Variants in BCO1 observed in about 807,000 individuals in gnomAD.
BCO1 encodes beta,beta-carotene 15,15'-dioxygenase.
Under a neutral mutation model 56.3 loss-of-function variants are expected in BCO1, and 54 were observed. The ratio of observed to expected loss-of-function variants is 0.96; its 90% CI spans 0.77 to 1.20. The LOEUF is 1.20. Ranked by LOEUF, BCO1 falls within the 50% of genes most tolerant of loss-of-function variation. The pLI is 0.00. For missense variants in BCO1, 801 were observed against 690.9 expected (o/e 1.16, Z -1.79); for synonymous variants, 318 against 266.1 (o/e 1.20, Z -1.90).
intron 6 of BCO1, 127 bp downstream of exon 6, chr16:81,268,258 AC>A: frequency 1.1e-6 from 1 of 877,340 alleles, no homozygotes; most frequent in Non-Finnish European, 1.8e-6. Context: ...AGAGGCATCT[AC>A]CCACCTTCCA....
chr16:81,283,934 C>T (rs1274060739), intron 8 of BCO1, among the ~76,000 whole-genome samples: 3 of 151,732 alleles, frequency 2.0e-5, no homozygotes, highest in African/African-American at 7.3e-5. Context: ...ACCTGTAATC[C>T]CAGCACTTTG....
intron 1 of BCO1, among the ~76,000 whole-genome samples, chr16:81,244,367 C>G (rs942567715): frequency 4.6e-5 from 7 of 150,644 alleles, no homozygotes; most frequent in Non-Finnish European, 8.9e-5. Context: ...TTTAACACAA[C>G]AAATCCAAGA....
intron 2 of BCO1, among the ~76,000 whole-genome samples, chr16:81,247,005 A>C (rs1905466856): frequency 6.6e-6 from 1 of 152,172 alleles, no homozygotes; most frequent in Admixed American, 6.5e-5. Flanking sequence ...ATCACAAATA[A>C]GGCGAATTCT....
intron 4 of BCO1, chr16:81,262,673 C>T (rs1367527027): frequency 9.2e-6 from 3 of 325,148 alleles, no homozygotes; most frequent in African/African-American, 6.5e-5. Flanking sequence ...ACCAAAAATA[C>T]AAAAATTAGC....
chr16:81,275,239 A>T (rs1907481337), intron 7 of BCO1, among the ~76,000 whole-genome samples: 1 of 152,214 alleles, frequency 6.6e-6, no homozygotes, highest in African/African-American at 2.4e-5. Context: ...CCTCTGTCTG[A>T]AACCCTGTCC....
At position 81,270,420 on chromosome 16, in the gene BCO1, A is replaced by G. The variant is rs1028477632; in HGVS notation, c.1101+4A>G. The G allele has an allele frequency of 6.8e-6, 11 of 1,613,980 alleles. No individual in the cohort carries two copies. The highest frequency in any genetic ancestry group is 6.8e-6 in the Non-Finnish European group (8 of 1,180,000). Reference sequence around the variant, plus strand: ...CGTGCCCCTCCACGTGGACAAGGTAATGGCTTCCAAGGAGGTCCCTTTTCT... The same window carrying G: ...CGTGCCCCTCCACGTGGACAAGGTAGTGGCTTCCAAGGAGGTCCCTTTTCT... On this transcript the variant is annotated splice_donor_region_variant and intron_variant, in intron 7 of 10. Coordinates refer to ENST00000258168, the MANE Select transcript of BCO1 (RefSeq NM_017429.3).
intron 5 of BCO1, among the ~76,000 whole-genome samples, chr16:81,265,228 CATCCACCT>C (rs1416434751): frequency 6.6e-6 from 1 of 151,468 alleles, no homozygotes; most frequent in African/African-American, 2.4e-5. Context: ...TCCGTCCACC[CATCCACCT>C]ATCCACCCCT....
chr16:81,261,563 T>C, intron 3 of BCO1, among the ~76,000 whole-genome samples: 1 of 152,158 alleles, frequency 6.6e-6, no homozygotes, highest in African/African-American at 2.4e-5. Context: ...CTGGCTCTGA[T>C]GTTAGAGACC....
chr16:81,283,225 G>A (rs1435195777), intron 8 of BCO1, among the ~76,000 whole-genome samples: 1 of 152,020 alleles, frequency 6.6e-6, no homozygotes, highest in East Asian at 1.9e-4. Context: ...GTTAAGGACC[G>A]GGCATGGTGA....
chr16:81,287,218 T>C (rs954250239), intron 9 of BCO1, 77 bp from the exon 10 acceptor site: 9 of 1,099,978 alleles, frequency 8.2e-6, no homozygotes, highest in Non-Finnish European at 1.1e-5. Context: ...TGTGTGGATC[T>C]TCATGCACTC....
intron 4 of BCO1, chr16:81,262,982 C>G (rs1312081814): frequency 6.5e-6 from 1 of 152,806 alleles, no homozygotes; most frequent in Non-Finnish European, 1.5e-5. Flanking sequence ...CTCCCTGGCC[C>G]CTTCCTGGCT....
chr16:81,274,416 A>G (rs1907427521), intron 7 of BCO1, among the ~76,000 whole-genome samples: 1 of 151,708 alleles, frequency 6.6e-6, no homozygotes, highest in African/African-American at 2.4e-5. Flanking sequence ...GGCGCCCGCC[A>G]CTACACCTGG....
chr16:81,269,619 C>T (rs1283191543), intron 6 of BCO1, among the ~76,000 whole-genome samples: 1 of 152,190 alleles, frequency 6.6e-6, no homozygotes, highest in African/African-American at 2.4e-5. Context: ...AGGCAAGTGC[C>T]ACCATGCCTG....
In BCO1 at chr16:81,270,360, A is replaced by C; in HGVS notation, c.1045A>C (p.Arg349=). The change falls in exon 7 of 11, where the codon AGG becomes CGG. Residue 349 remains arginine, a synonymous_variant. Transcript: ENST00000258168. The stretch of plus-strand genomic sequence containing the variant: ...GAACCAGGACTTCAAGGAGAACTCC[A>C]GGCTCACCTCGGTCCCCACCCTCAG... The part of the protein sequence containing the change: ...NLNQDFKENS[R]LTSVPTLRRF... 1 of 1,614,102 alleles carries C rather than the reference A, an allele frequency of 6.2e-7. No homozygotes were observed. The highest frequency in any genetic ancestry group is 1.3e-5 in the African/African-American group (1 of 75,036).
intron 8 of BCO1, among the ~76,000 whole-genome samples, chr16:81,285,304 A>C (rs1324002657): frequency 1.3e-5 from 2 of 152,202 alleles, no homozygotes; most frequent in East Asian, 3.8e-4. Context: ...TACACTTAAA[A>C]CCTAGGTCTG....
At chr16:81,276,883 A>G (rs1298201106) in intron 7 of BCO1, among the ~76,000 whole-genome samples, 1 of 151,704 alleles carries the variant, frequency 6.6e-6, no homozygotes, top group Non-Finnish European at 1.5e-5. Flanking sequence ...CTTGGCCAAC[A>G]TGATGAAACC....
chr16:81,280,167 G>A (rs1048925991), intron 7 of BCO1, among the ~76,000 whole-genome samples: 3 of 150,372 alleles, frequency 2.0e-5, no homozygotes, highest in Non-Finnish European at 4.4e-5. Context: ...GGAGGCTGAG[G>A]CAGGAGAATC....
intron 1 of BCO1, among the ~76,000 whole-genome samples, chr16:81,242,818 T>A (rs779378955): frequency 6.6e-6 from 1 of 152,178 alleles, no homozygotes; most frequent in Non-Finnish European, 1.5e-5. Context: ...GCCCGAGTTC[T>A]GCCTCCTCTC....
chr16:81,268,162 G>T (rs371118842), intron 6 of BCO1, 31 bp downstream of exon 6: 6 of 1,585,378 alleles, frequency 3.8e-6, no homozygotes, highest in East Asian at 4.5e-5. Flanking sequence ...AGCCCAGTGG[G>T]TGCTGGCTGA....
Sources: allele counts gnomAD v4.1 joint callset (sites outside exome capture counted in the v4.1 genomes callset), GRCh38; gene constraint gnomAD v4.1.1; transcripts MANE v1.5; gene names NCBI Gene and HGNC (gene_info 2026-07-23, HGNC 2026-07-21).